Variants in OSBPL6 observed in about 807,000 individuals in gnomAD.
OSBPL6 encodes the protein oxysterol-binding protein-related protein 6.
A neutral mutation model predicts 125.8 loss-of-function variants in OSBPL6; 49 were observed. The ratio of observed to expected loss-of-function variants is 0.39; its 90% CI spans 0.31 to 0.49. OSBPL6 has a LOEUF of 0.49. OSBPL6 is among the 20% of genes least tolerant of loss of function. The probability of loss-of-function intolerance (pLI) is 0.88; values close to 1 mark genes in which losing one functional copy is unlikely to be tolerated. For synonymous variants in OSBPL6, 394 were observed against 391.8 expected, an observed-to-expected ratio of 1.01 and a Z score of -0.07; for missense variants, 986 against 1,135.4, an observed-to-expected ratio of 0.87 and a Z score of 1.89.
In OSBPL6 at chr2:178,373,851, G is replaced by T. The variant is rs780559247; in HGVS notation, c.1396-39G>T. 9.3e-6 allele frequency: 15 copies of T among 1,609,148 alleles called. No individual in the cohort carries two copies. In the Admixed American group the frequency reaches 2.2e-4, roughly 24 times the overall value. On this transcript the variant is annotated intron_variant, in intron 14 of 24. Coordinates refer to ENST00000190611, the MANE Select transcript of OSBPL6 (RefSeq NM_032523.4). ...TTGAAGGAATAGCTATTCTAACAGG[G>T]AGAAAAGCAATTACACTGTATGCTT... is the stretch of plus-strand genomic sequence containing the variant.
intron 3 of OSBPL6, among the ~76,000 whole-genome samples, 179 bp from the exon 4 acceptor site, chr2:178,323,998 G>A (rs1484913106): frequency 1.3e-5 from 2 of 152,146 alleles, no homozygotes; most frequent in African/African-American, 4.8e-5. Context: ...GAAGAGGAGG[G>A]GAAAATCCTG....
chr2:178,361,777 A>T lies in OSBPL6; in HGVS notation c.1249A>T (p.Ser417Cys). 6.2e-7 allele frequency: 1 copy of T among 1,614,188 alleles called. No individual in the cohort carries two copies. Among genetic ancestry groups the T allele is most frequent in the Non-Finnish European group, 8.5e-7 (1 of 1,180,012 alleles). Residue 417 changes from serine to cysteine, a missense_variant, in exon 13 of 25, where the codon AGC becomes TGC. Transcript: ENST00000190611. The part of the protein sequence containing the change: ...VSEQDHSKGH[S>C]TQMARLRQSL... ...CGAGCAGGATCACAGTAAAGGCCAC[A>T]GCACGCAGATGGCACGGCTCCGACA...
At chr2:178,312,187 G>A (rs1180988555) in intron 3 of OSBPL6, among the ~76,000 whole-genome samples, 2 of 123,440 alleles carry the variant, frequency 1.6e-5, no homozygotes, top group African/African-American at 6.2e-5. Context: ...TTGAGATGGA[G>A]TTTCGCTCTT....
chr2:178,235,445 C>T lies in OSBPL6; in HGVS notation c.-351+40771C>T, dbSNP rs568963658. On this transcript the variant is annotated intron_variant, in intron 1 of 24. Transcript: ENST00000190611. ...TTTTTGAGACAAAGTCTCGCTGTGT[C>T]ACCCAGGCTGGAGTGCGGTGGTGCA... 5.0e-4 allele frequency among the ~76,000 whole-genome samples: 59 copies of T among 117,178 alleles called. 1 individual carries two copies. Among genetic ancestry groups the T allele is most frequent in the African/African-American group, 1.4e-3 (46 of 33,054 alleles). The allele number at this position is 117,178 out of a possible 152,430, so 76.9% of individuals were successfully genotyped here.
At chr2:178,248,110 G>A (rs754187) in intron 1 of OSBPL6, among the ~76,000 whole-genome samples, 27 of 152,148 alleles carry the variant, frequency 1.8e-4, no homozygotes, top group African/African-American at 5.6e-4. Context: ...GATACAAAAC[G>A]AAGATTCAGA....
At chr2:178,249,131 G>A (rs540043361) in intron 1 of OSBPL6, among the ~76,000 whole-genome samples, 1 of 152,016 alleles carries the variant, frequency 6.6e-6, no homozygotes, top group Non-Finnish European at 1.5e-5. Context: ...GCAGAGACTG[G>A]GTTTCACCAT....
chr2:178,379,445 AAAGG>A (rs1196625882), intron 15 of OSBPL6, among the ~76,000 whole-genome samples: 1 of 150,722 alleles, frequency 6.6e-6, no homozygotes, highest in Non-Finnish European at 1.5e-5. Context: ...AGAAGAGAGA[AAAGG>A]AAGGAAGGAG....
intron 11 of OSBPL6, among the ~76,000 whole-genome samples, chr2:178,343,658 C>A (rs992237224): frequency 2.6e-5 from 4 of 152,120 alleles, no homozygotes; most frequent in African/African-American, 9.7e-5. Flanking sequence ...CTTTTCTGAT[C>A]TTATGGGGTC....
At chr2:178,253,509 A>G (rs984379682) in intron 1 of OSBPL6, among the ~76,000 whole-genome samples, 1 of 152,220 alleles carries the variant, frequency 6.6e-6, no homozygotes, top group African/African-American at 2.4e-5. Context: ...TTAATAATTC[A>G]GTGATTTAAT....
intron 1 of OSBPL6, among the ~76,000 whole-genome samples, chr2:178,262,856 GTT>G (rs1035919333): frequency 1.4e-4 from 21 of 152,288 alleles, no homozygotes; most frequent in African/African-American, 5.1e-4. Flanking sequence ...ACTTTAAACT[GTT>G]TCTAAGAATT....
At chr2:178,305,400 A>G (rs1051338442) in intron 2 of OSBPL6, among the ~76,000 whole-genome samples, 45 of 152,222 alleles carry the variant, frequency 3.0e-4, no homozygotes, top group African/African-American at 9.9e-4. Flanking sequence ...TTGGCTGTGC[A>G]TAAGTGAAGG....
chr2:178,358,068 G>T (rs930100210), intron 12 of OSBPL6, among the ~76,000 whole-genome samples: 2 of 152,016 alleles, frequency 1.3e-5, no homozygotes, highest in Non-Finnish European at 2.9e-5. Context: ...AACATCACAC[G>T]CTGGGGCCTG....
intron 1 of OSBPL6, among the ~76,000 whole-genome samples, chr2:178,267,134 A>T (rs561161232): frequency 1.4e-4 from 22 of 152,276 alleles, no homozygotes; most frequent in Middle Eastern, 3.4e-3. Flanking sequence ...CAGGTGGGTC[A>T]CCTGGGGTCA....
At chr2:178,267,079 C>T (rs1173089597) in intron 1 of OSBPL6, among the ~76,000 whole-genome samples, 4 of 152,044 alleles carry the variant, frequency 2.6e-5, no homozygotes, top group South Asian at 2.1e-4. Flanking sequence ...TTAGGCCAGA[C>T]ATGGTAGCTC....
chr2:178,213,786 A>G (rs2089973086), intron 1 of OSBPL6, among the ~76,000 whole-genome samples: 1 of 152,164 alleles, frequency 6.6e-6, no homozygotes. Flanking sequence ...GTCATCTTTT[A>G]GGTGCTTGAA....
intron 1 of OSBPL6, among the ~76,000 whole-genome samples, chr2:178,235,694 C>T (rs2091028784): frequency 6.6e-6 from 1 of 152,324 alleles, no homozygotes; most frequent in African/African-American, 2.4e-5. Context: ...GCGTGAGCCA[C>T]TGCACCTGGC....
At chr2:178,243,408 T>C (rs1387328221) in intron 1 of OSBPL6, among the ~76,000 whole-genome samples, 1 of 152,198 alleles carries the variant, frequency 6.6e-6, no homozygotes, top group East Asian at 1.9e-4. Context: ...ATCCCCTACT[T>C]GCCAACTAAG....
intron 3 of OSBPL6, among the ~76,000 whole-genome samples, chr2:178,316,960 G>T (rs1000587113): frequency 6.6e-6 from 1 of 151,830 alleles, no homozygotes; most frequent in Non-Finnish European, 1.5e-5. Flanking sequence ...TTTTTATTTT[G>T]TTTTTAAGAA....
intron 20 of OSBPL6, 86 bp from the exon 21 acceptor site, chr2:178,388,923 T>TGGCCAAAGAATATTCTCATTAGCAGAAAC: frequency 5.0e-6 from 7 of 1,391,226 alleles, no homozygotes; most frequent in Non-Finnish European, 6.8e-6. Context: ...AAGGAAGCTT[T>TGGCCAAAGAATATTCTCATTAGCAGAAAC]GGCCAAAGAA....
Sources: gnomAD v4.1 joint callset for allele counts (sites outside exome capture counted in the v4.1 genomes callset) on GRCh38, gnomAD v4.1.1 for gene constraint, MANE v1.5 for transcripts, NCBI Gene and HGNC (gene_info 2026-07-23, HGNC 2026-07-21) for gene names.